Variants in TRAPPC9 observed in about 807,000 individuals in gnomAD.
TRAPPC9 encodes the protein trafficking protein particle complex subunit 9.
TRAPPC9 carries 83 observed loss-of-function variants against 124.0 expected under a neutral mutation model. That is an observed-to-expected ratio of 0.67 (90% CI 0.56 to 0.80). TRAPPC9 has a LOEUF of 0.80. Ranked by LOEUF, TRAPPC9 falls within the 30% of genes least tolerant of loss-of-function variation. The pLI, the probability that TRAPPC9 is intolerant of heterozygous loss-of-function variation, is 0.00. For missense variants in TRAPPC9, 1,302 were observed against 1,508.3 expected (o/e 0.86, Z 2.27); for synonymous variants, 638 against 617.5 (o/e 1.03, Z -0.49).
chr8:139,921,529 T>C (rs1005113524), intron 19 of TRAPPC9, among the ~76,000 whole-genome samples: 1 of 152,150 alleles, frequency 6.6e-6, no homozygotes, highest in African/African-American at 2.4e-5. Flanking sequence ...TATCAGGCAC[T>C]GATCCTGCCT....
chr8:139,946,096 G>A (rs2131471113), intron 19 of TRAPPC9, among the ~76,000 whole-genome samples: 1 of 152,316 alleles, frequency 6.6e-6, no homozygotes, highest in Middle Eastern at 3.4e-3. Flanking sequence ...AAATCCCCAA[G>A]GGGGGAGGTG....
At chr8:140,058,731 G>A (rs997077652) in intron 17 of TRAPPC9, among the ~76,000 whole-genome samples, 1 of 152,214 alleles carries the variant, frequency 6.6e-6, no homozygotes, top group African/African-American at 2.4e-5. Context: ...AGACATTTAG[G>A]CAAATGGACA....
At chr8:140,239,077 T>C (rs1467927953) in intron 16 of TRAPPC9, among the ~76,000 whole-genome samples, 1 of 152,152 alleles carries the variant, frequency 6.6e-6, no homozygotes, top group African/African-American at 2.4e-5. Flanking sequence ...TTGGAGCAGC[T>C]GGCTTGGGGG....
At chr8:139,779,113 C>T (rs956076699) in intron 21 of TRAPPC9, among the ~76,000 whole-genome samples, 6 of 152,034 alleles carry the variant, frequency 3.9e-5, no homozygotes, top group African/African-American at 9.7e-5. Context: ...AAAAGAGAGA[C>T]ATGTTGTATA....
chr8:139,886,063 C>T (rs1460376815), intron 20 of TRAPPC9, 94 bp from the exon 21 acceptor site: 3 of 1,179,228 alleles, frequency 2.5e-6, no homozygotes, highest in African/African-American at 3.0e-5. Context: ...GATGGGAAAC[C>T]TCCTACAGCA....
chr8:140,319,150 T>C (rs555255449), intron 9 of TRAPPC9, among the ~76,000 whole-genome samples: 6 of 151,804 alleles, frequency 4.0e-5, no homozygotes, highest in Non-Finnish European at 8.8e-5. Context: ...GAGCACCTAA[T>C]GCCCTTGAAA....
chr8:140,125,685 C>G (rs2061081638), intron 17 of TRAPPC9, among the ~76,000 whole-genome samples: 1 of 150,132 alleles, frequency 6.7e-6, no homozygotes, highest in South Asian at 2.1e-4. Flanking sequence ...AGCTCCACCT[C>G]CCGGGTTCAT....
At position 140,413,206 on chromosome 8, in the gene TRAPPC9, C is replaced by T. The variant is rs560651198; in HGVS notation, c.887-7508G>A. 4.7e-3 allele frequency among the ~76,000 whole-genome samples: 720 copies of T among 152,110 alleles called. 10 individuals are homozygous for T. The highest frequency in any genetic ancestry group is 0.022 in the South Asian group (107 of 4,822). ...GAGTTCAAGACCAGCCTGGCCAACACGGTGAAACCCCATCTCTACTAAAAA... is the reference window on the plus strand; with the variant it reads ...GAGTTCAAGACCAGCCTGGCCAACATGGTGAAACCCCATCTCTACTAAAAA... On this transcript the variant is annotated intron_variant, in intron 5 of 22. Transcript: ENST00000438773.
intron 1 of TRAPPC9, chr8:140,456,800 T>C (rs1024829393): frequency 1.1e-4 from 110 of 985,320 alleles, no homozygotes; most frequent in Non-Finnish European, 1.3e-4. Context: ...CCCCCATACC[T>C]TTCAACTGGG....
intron 17 of TRAPPC9, among the ~76,000 whole-genome samples, chr8:140,153,325 A>G (rs2061577814): frequency 6.6e-6 from 1 of 151,874 alleles, no homozygotes; most frequent in Non-Finnish European, 1.5e-5. Context: ...TCCCTCCATG[A>G]TTTGTTCTTT....
chr8:139,905,590 G>T (rs370484452), intron 20 of TRAPPC9, among the ~76,000 whole-genome samples: 2 of 152,144 alleles, frequency 1.3e-5, no homozygotes, highest in African/African-American at 2.4e-5. Flanking sequence ...GTCACCCGGG[G>T]CAGGGACTGG....
rs1242278149 is a variant in TRAPPC9, at chr8:140,052,937, A to G, written c.2557-28858T>C. 2.0e-5 allele frequency among the ~76,000 whole-genome samples: 3 copies of G among 152,128 alleles called. No individual in the cohort carries two copies. In the East Asian group the frequency reaches 5.8e-4, roughly 29 times the overall value. ...ACTCCAGCCTGAGTGACAAAGTGAG[A>G]CCCTGTCTCAAAATAAATAAAAAAT... On this transcript the variant is annotated intron_variant, in intron 17 of 22. Transcript: ENST00000438773.
chr8:140,173,446 C>T (rs1325706983), intron 17 of TRAPPC9, among the ~76,000 whole-genome samples: 2 of 149,084 alleles, frequency 1.3e-5, no homozygotes, highest in South Asian at 2.2e-4. Flanking sequence ...TCCAGCTACT[C>T]GGGAGGCTGA....
intron 7 of TRAPPC9, among the ~76,000 whole-genome samples, chr8:140,379,225 C>T (rs757965194): frequency 3.9e-5 from 6 of 152,170 alleles, no homozygotes; most frequent in Non-Finnish European, 7.3e-5. Context: ...CGAGGCAGGC[C>T]TGGCACTCAC....
At chr8:140,073,055 T>C (rs1317841024) in intron 17 of TRAPPC9, among the ~76,000 whole-genome samples, 8 of 152,168 alleles carry the variant, frequency 5.3e-5, no homozygotes, top group South Asian at 4.1e-4. Context: ...CACTGTACCA[T>C]GGTGAAGGCG....
chr8:139,741,613 C>A (rs984538835), intron 21 of TRAPPC9, among the ~76,000 whole-genome samples: 2 of 152,168 alleles, frequency 1.3e-5, no homozygotes, highest in African/African-American at 4.8e-5. Flanking sequence ...AGCCCGTTTT[C>A]GAACATCTCC....
chr8:140,390,361 G>A (rs1022231130), intron 7 of TRAPPC9, among the ~76,000 whole-genome samples: 4 of 152,126 alleles, frequency 2.6e-5, no homozygotes, highest in African/African-American at 9.7e-5. Flanking sequence ...ATAAGTATCT[G>A]CACCAACTGC....
chr8:140,350,659 G>C (rs1428033375), intron 9 of TRAPPC9, among the ~76,000 whole-genome samples: 1 of 152,116 alleles, frequency 6.6e-6, no homozygotes, highest in Non-Finnish European at 1.5e-5. Flanking sequence ...CACTGGAGGT[G>C]AGCCCTCATG....
chr8:140,318,692 C>T (rs2066504009), intron 9 of TRAPPC9, among the ~76,000 whole-genome samples: 2 of 152,228 alleles, frequency 1.3e-5, no homozygotes. Context: ...CATGTTGTCA[C>T]AAATAACAGA....
Sources: allele counts gnomAD v4.1 joint callset (sites outside exome capture counted in the v4.1 genomes callset), GRCh38; gene constraint gnomAD v4.1.1; transcripts MANE v1.5; gene names NCBI Gene and HGNC (gene_info 2026-07-23, HGNC 2026-07-21).